MAGT1: variants seen among roughly 807,000 people sequenced by gnomAD.
The protein encoded by MAGT1 is magnesium transporter 1, also known as dolichyl-diphosphooligosaccharide--protein glycosyltransferase subunit MAGT1.
A neutral mutation model predicts 28.4 loss-of-function variants in MAGT1; 4 were observed. The ratio of observed to expected loss-of-function variants is 0.14; its 90% CI spans 0.07 to 0.32. The LOEUF is 0.32. Among genes scored for constraint, MAGT1 ranks in the 10% least tolerant of loss-of-function variants. The pLI, the probability that MAGT1 is intolerant of heterozygous loss-of-function variation, is 1.00. For synonymous variants in MAGT1, 89 were observed against 89.7 expected (o/e 0.99, Z 0.04); for missense variants, 193 against 264.5 (o/e 0.73, Z 1.88).
intron 3 of MAGT1, among the ~76,000 whole-genome samples, chrX:77,862,622 A>T (rs185551321): frequency 8.9e-6 from 1 of 112,151 alleles, no homozygotes; most frequent in African/African-American, 3.2e-5. Flanking sequence ...AAAAGAAGAC[A>T]CACATGGCCA....
At chrX:77,847,005 T>C (rs1249660614) in intron 7 of MAGT1, among the ~76,000 whole-genome samples, 1 of 111,976 alleles carries the variant, frequency 8.9e-6, no homozygotes, top group African/African-American at 3.2e-5. Context: ...TGCTGCCTTT[T>C]GTTTGGCTAT....
intron 7 of MAGT1, among the ~76,000 whole-genome samples, chrX:77,847,507 C>A (rs1557215114): frequency 8.9e-6 from 1 of 112,315 alleles, no homozygotes. Flanking sequence ...GCAGAAATCA[C>A]CCGTCTTCTG....
intron 7 of MAGT1, among the ~76,000 whole-genome samples, chrX:77,842,347 T>A (rs1299509329): frequency 9.1e-6 from 1 of 110,024 alleles, no homozygotes; most frequent in African/African-American, 3.3e-5. Context: ...TTAGCCGTGA[T>A]CATACCACTG....
intron 1 of MAGT1, among the ~76,000 whole-genome samples, chrX:77,876,154 ATATATATATATTT>A (rs1450271428): frequency 1.3e-4 from 4 of 31,260 alleles, no homozygotes; most frequent in African/African-American, 2.1e-4. Context: ...ATATATATAT[ATATATATATATTT>A]TTTTTTTTTT....
At chrX:77,831,656 A>G (rs1056203650) in intron 8 of MAGT1, among the ~76,000 whole-genome samples, 4 of 108,124 alleles carry the variant, frequency 3.7e-5, no homozygotes, top group African/African-American at 1.3e-4. Flanking sequence ...GCAGTGGCAC[A>G]ATCACAGCTC....
chrX:77,840,883 G>T (rs2076932980), intron 8 of MAGT1, among the ~76,000 whole-genome samples: 1 of 111,888 alleles, frequency 8.9e-6, no homozygotes, highest in African/African-American at 3.2e-5. Flanking sequence ...TTAAAATTAT[G>T]TATATAGAAA....
In MAGT1 at chrX:77,829,213, G is replaced by A; in HGVS notation, c.*7C>T. ...TACTCCAGTGTCTATATATCTCTGG[G>A]ACCTTTTTAACTCATCAGAAAGCTG... On this transcript the variant is annotated 3_prime_UTR_variant, in exon 10 of 10. Coordinates refer to ENST00000618282, the MANE Select transcript of MAGT1 (RefSeq NM_001367916.1). The A allele has an allele frequency of 8.4e-7, 1 of 1,197,032 alleles. No homozygotes were observed. Among genetic ancestry groups the A allele is most frequent in the Non-Finnish European group, 1.1e-6 (1 of 882,954 alleles).
chrX:77,893,140 G>A (rs2077088459), intron 1 of MAGT1, among the ~76,000 whole-genome samples: 1 of 111,685 alleles, frequency 9.0e-6, no homozygotes, highest in African/African-American at 3.3e-5. Flanking sequence ...TGTGTAAGAG[G>A]CCCTGTCTCC....
At chrX:77,875,919 C>T (rs2077032170) in intron 1 of MAGT1, among the ~76,000 whole-genome samples, 1 of 108,874 alleles carries the variant, frequency 9.2e-6, no homozygotes, top group African/African-American at 3.3e-5. Context: ...GTAGCCTTGA[C>T]CTCCTGGCCT....
At chrX:77,834,188 G>A (rs782328209) in intron 8 of MAGT1, among the ~76,000 whole-genome samples, 15 of 98,593 alleles carry the variant, frequency 1.5e-4, no homozygotes, top group East Asian at 6.3e-4. Context: ...ATGCATATAT[G>A]TATATATATG....
chrX:77,863,180 C>A (rs1557216584), intron 3 of MAGT1, among the ~76,000 whole-genome samples: 1 of 109,308 alleles, frequency 9.1e-6, no homozygotes, highest in East Asian at 2.9e-4. Flanking sequence ...GGAACTCATA[C>A]ACTGTTGGTG....
At chrX:77,848,283 T>G (rs1295985885) in intron 7 of MAGT1, among the ~76,000 whole-genome samples, 2 of 112,130 alleles carry the variant, frequency 1.8e-5, no homozygotes, top group African/African-American at 6.5e-5. Context: ...ACAGTCCTGA[T>G]TAAATGTTAC....
At chrX:77,878,463 A>G (rs1442668583) in intron 1 of MAGT1, among the ~76,000 whole-genome samples, 1 of 80,964 alleles carries the variant, frequency 1.2e-5, no homozygotes, top group Non-Finnish European at 2.4e-5. Context: ...ACAGAGTAAG[A>G]CTCTGTCTCC....
intron 1 of MAGT1, among the ~76,000 whole-genome samples, chrX:77,891,326 C>CTATCTATCTATCTATA (rs2077081873): frequency 1.9e-5 from 2 of 104,229 alleles, no homozygotes; most frequent in African/African-American, 7.0e-5. Flanking sequence ...ATCTATCTAT[C>CTATCTATCTATCTATA]TATCTATCTA....
At chrX:77,871,772 G>A (rs2077020992) in intron 2 of MAGT1, among the ~76,000 whole-genome samples, 1 of 108,689 alleles carries the variant, frequency 9.2e-6, no homozygotes, top group Admixed American at 9.9e-5. Flanking sequence ...AATCCGGGAG[G>A]CGGAGATTGC....
intron 3 of MAGT1, among the ~76,000 whole-genome samples, chrX:77,864,370 A>G (rs1485967636): frequency 9.0e-6 from 1 of 110,979 alleles, no homozygotes; most frequent in East Asian, 2.8e-4. Context: ...ATAGCAGAGT[A>G]GCGTGACTAT....
chrX:77,889,985 A>G (rs2077077977), intron 1 of MAGT1, among the ~76,000 whole-genome samples: 2 of 111,994 alleles, frequency 1.8e-5, no homozygotes, highest in Non-Finnish European at 3.8e-5. Context: ...CATGAGTTCA[A>G]GTGTTTTGAT....
intron 7 of MAGT1, among the ~76,000 whole-genome samples, chrX:77,841,941 C>T (rs1035750593): frequency 9.6e-5 from 10 of 104,345 alleles, no homozygotes; most frequent in East Asian, 6.0e-4. Context: ...CCACCTGCCT[C>T]GGCCTCCCAA....
chrX:77,857,115 C>A (rs937965323), intron 4 of MAGT1, among the ~76,000 whole-genome samples: 1 of 111,663 alleles, frequency 9.0e-6, no homozygotes, highest in Non-Finnish European at 1.9e-5. Flanking sequence ...TTGCCAAGTA[C>A]AACTAGATAA....
Sources: gnomAD v4.1 joint callset for allele counts (sites outside exome capture counted in the v4.1 genomes callset) on GRCh38, gnomAD v4.1.1 for gene constraint, MANE v1.5 for transcripts, NCBI Gene and HGNC (gene_info 2026-07-23, HGNC 2026-07-21) for gene names.